The following VIT variants were observed in gnomAD, a reference collection of about 807,000 sequenced individuals.
The protein encoded by VIT is vitrin.
A neutral mutation model predicts 78.0 loss-of-function variants in VIT; 99 were observed. The observed-to-expected ratio is 1.27, with a 90% CI of 1.08 to 1.50. The LOEUF (loss-of-function observed/expected upper bound fraction) is 1.50. VIT is among the 40% of genes most tolerant of loss of function. The pLI, the probability that VIT is intolerant of heterozygous loss-of-function variation, is 0.00. For missense variants in VIT, 1,126 were observed against 875.3 expected (o/e 1.29, Z -3.61); for synonymous variants, 374 against 334.3 (o/e 1.12, Z -1.29).
At chr2:36,789,218 C>T (rs894464099) in intron 12 of VIT, among the ~76,000 whole-genome samples, 3 of 152,302 alleles carry the variant, frequency 2.0e-5, no homozygotes, top group Middle Eastern at 3.4e-3. Context: ...ATTCGGGCCT[C>T]AGCTCCTCTG....
intron 3 of VIT, among the ~76,000 whole-genome samples, chr2:36,736,953 C>CT (rs1238888256): frequency 5.3e-5 from 8 of 152,080 alleles, no homozygotes; most frequent in Non-Finnish European, 1.2e-4. Context: ...ACTCTAAGAG[C>CT]TTTTTTTATA....
Position 36,795,219 on chromosome 2 carries a change from C to G in VIT, c.1059-6082C>G, listed in dbSNP as rs888238221. Among the ~76,000 whole-genome samples, 4 of 152,112 alleles carry G rather than the reference C, an allele frequency of 2.6e-5. No individual in the cohort carries two copies. The East Asian group carries it at 7.7e-4, about 29-fold the overall frequency. ...CTTAAAGTTTAAATTTATTTGTAAT[C>G]TCAAACTTGTAATTCCAGGAACTTT... On this transcript the variant is annotated intron_variant, in intron 12 of 15. Coordinates refer to ENST00000379242, the MANE Select transcript of VIT (RefSeq NM_053276.4).
At chr2:36,739,471 T>G (rs933956611) in intron 3 of VIT, among the ~76,000 whole-genome samples, 3 of 152,164 alleles carry the variant, frequency 2.0e-5, no homozygotes, top group Admixed American at 2.0e-4. Flanking sequence ...AAAAATTGAC[T>G]CAAATAGTAC....
intron 10 of VIT, among the ~76,000 whole-genome samples, chr2:36,782,987 C>T (rs774667962): frequency 3.3e-5 from 5 of 152,178 alleles, no homozygotes; most frequent in African/African-American, 4.8e-5. Context: ...GAGCAAGACA[C>T]ATTCTGTGGC....
chr2:36,756,989 T>C (rs1486802973), intron 5 of VIT, among the ~76,000 whole-genome samples: 1 of 152,214 alleles, frequency 6.6e-6, no homozygotes, highest in Non-Finnish European at 1.5e-5. Flanking sequence ...CCATCTCCCC[T>C]CATTCGACCT....
rs1404534159 is a variant in VIT, at chr2:36,755,043, T to C, written c.398T>C (p.Phe133Ser). The C allele has an allele frequency of 1.2e-6, 2 of 1,614,080 alleles. No homozygotes were observed. Among genetic ancestry groups the C allele is most frequent in the Non-Finnish European group, 1.7e-6 (2 of 1,179,964 alleles). Residue 133 changes from phenylalanine (F) to serine (S), a missense_variant, in exon 5 of 16, where the codon TTT becomes TCT. By Grantham distance (155) the Phe-to-Ser change is radical (BLOSUM62 -2). Transcript: ENST00000379242. ...SLSLPRWRES[F>S]IVLESKPKKG... ...TCCCTACCACGATGGAGAGAATCCT[T>C]TATCGTCTTAGGTATGACCACACAC...
intron 2 of VIT, among the ~76,000 whole-genome samples, chr2:36,728,097 AT>A (rs1666964980): frequency 6.6e-6 from 1 of 151,782 alleles, no homozygotes; most frequent in African/African-American, 2.4e-5. Flanking sequence ...CCCAGCTAAT[AT>A]TTTTGTATTT....
chr2:36,712,906 T>A (rs1488488193), intron 1 of VIT, among the ~76,000 whole-genome samples: 2 of 152,382 alleles, frequency 1.3e-5, no homozygotes, highest in Middle Eastern at 3.4e-3. Flanking sequence ...TCCCTTTGTT[T>A]TGTTTCCTCT....
intron 11 of VIT, 70 bp from the exon 12 acceptor site, chr2:36,787,059 G>A (rs1282035795): frequency 4.4e-6 from 7 of 1,581,514 alleles, no homozygotes; most frequent in African/African-American, 1.3e-5. Context: ...GGAGAAAGAG[G>A]AACAAGAGGA....
intron 5 of VIT, among the ~76,000 whole-genome samples, chr2:36,756,832 G>C (rs569856639): frequency 6.6e-6 from 1 of 152,306 alleles, no homozygotes; most frequent in East Asian, 1.9e-4. Context: ...GGCTGAATAA[G>C]AGCATTTCAG....
At position 36,755,025 on chromosome 2, in the gene VIT, C is replaced by T; in HGVS notation, c.380C>T (p.Pro127Leu). The change falls in exon 5 of 16, where the codon CCA (proline) becomes CTA (leucine). Residue 127 changes from proline to leucine, a missense_variant. Transcript: ENST00000379242. ...AACGGTGTCCAATCGTTATCCCTACCACGATGGAGAGAATCCTTTATCGTC... is the reference window on the plus strand; with the variant it reads ...AACGGTGTCCAATCGTTATCCCTACTACGATGGAGAGAATCCTTTATCGTC... ...YSNGVQSLSL[P>L]RWRESFIVLE... 6.2e-7 allele frequency: 1 copy of T among 1,614,088 alleles called. No homozygotes were observed. The highest frequency in any genetic ancestry group is 1.1e-5 in the South Asian group (1 of 91,074).
At chr2:36,772,190 C>T (rs1020347672) in intron 7 of VIT, among the ~76,000 whole-genome samples, 1 of 152,030 alleles carries the variant, frequency 6.6e-6, no homozygotes, top group African/African-American at 2.4e-5. Context: ...AGGAGGATCA[C>T]TTGAGGCCAG....
At chr2:36,733,899 C>A (rs1305974878) in intron 3 of VIT, among the ~76,000 whole-genome samples, 1 of 152,176 alleles carries the variant, frequency 6.6e-6, no homozygotes, top group Admixed American at 6.5e-5. Context: ...CCGTTAGCGT[C>A]GATACCTCAA....
chr2:36,732,932 T>C (rs989478066), intron 3 of VIT, among the ~76,000 whole-genome samples: 83 of 152,124 alleles, frequency 5.5e-4, no homozygotes, highest in African/African-American at 2.0e-3. Context: ...GAACACATCA[T>C]GCCCAAGGCC....
chr2:36,752,496 C>T (rs910179232), intron 4 of VIT, among the ~76,000 whole-genome samples: 1 of 152,188 alleles, frequency 6.6e-6, no homozygotes, highest in African/African-American at 2.4e-5. Context: ...CTGAGGAATG[C>T]AAGGAAGTGG....
chr2:36,743,142 T>A lies in VIT; in HGVS notation c.161T>A (p.Ile54Asn). 6.2e-7 allele frequency: 1 copy of A among 1,614,092 alleles called. No homozygotes were observed. Among genetic ancestry groups the A allele is most frequent in the Non-Finnish European group, 8.5e-7 (1 of 1,179,970 alleles). The change falls in exon 4 of 16, where the codon ATC becomes AAC. Residue 54 changes from isoleucine to asparagine, a missense_variant. Transcript: ENST00000379242. ...TGCGATGTCAAAGCCGGAAAGATCA[T>A]CGATCCTGAGTTCATTGTGAAATGT... is the stretch of plus-strand genomic sequence containing the variant. The part of the protein sequence containing the change: ...INCDVKAGKI[I>N]DPEFIVKCPA...
chr2:36,747,548 T>G (rs142256152), intron 4 of VIT, among the ~76,000 whole-genome samples: 136 of 152,344 alleles, frequency 8.9e-4, no homozygotes, highest in African/African-American at 3.2e-3. Flanking sequence ...TGTAATACCC[T>G]TCTTTGTCTG....
chr2:36,757,382 C>A (rs1261806347), intron 5 of VIT, among the ~76,000 whole-genome samples: 7 of 152,072 alleles, frequency 4.6e-5, no homozygotes, highest in Admixed American at 4.6e-4. Context: ...CAGTGAGGGA[C>A]CCCCTAATAC....
chr2:36,745,310 C>T (rs917562015), intron 4 of VIT, among the ~76,000 whole-genome samples: 6 of 151,872 alleles, frequency 4.0e-5, no homozygotes, highest in African/African-American at 1.5e-4. Flanking sequence ...TTTATTATTC[C>T]ATATGAATTT....
Sources: gnomAD v4.1 joint callset for allele counts (sites outside exome capture counted in the v4.1 genomes callset) on GRCh38, gnomAD v4.1.1 for gene constraint, MANE v1.5 for transcripts, NCBI Gene and HGNC (gene_info 2026-07-23, HGNC 2026-07-21) for gene names.